Variants in SORCS1 observed in about 807,000 individuals in gnomAD.
SORCS1 encodes the protein VPS10 domain-containing receptor SorCS1.
SORCS1 carries 60 observed loss-of-function variants against 146.1 expected under a neutral mutation model. That is an observed-to-expected ratio of 0.41 (90% CI 0.33 to 0.51). The LOEUF (loss-of-function observed/expected upper bound fraction) is 0.51, where lower values mean the gene tolerates loss of function less well. Ranked by LOEUF, SORCS1 falls within the 20% of genes least tolerant of loss-of-function variation. The pLI, the probability that SORCS1 is intolerant of heterozygous loss-of-function variation, is 0.21. For missense variants in SORCS1, 1,352 were observed against 1,487.6 expected, an observed-to-expected ratio of 0.91 and a Z score of 1.50; for synonymous variants, 637 against 584.0, an observed-to-expected ratio of 1.09 and a Z score of -1.31.
In SORCS1 at chr10:106,755,236, T is replaced by G. The variant is rs185073407; in HGVS notation, c.959+6352A>C. Among the ~76,000 whole-genome samples the G allele has an allele frequency of 2.7e-4, 41 of 152,340 alleles. No homozygotes were observed. In the East Asian group the frequency reaches 7.9e-3, roughly 29 times the overall value. ...TGAAGTGCTAAACTAAAATACAATTTCAAAATTTAAAGTTTTTTCTCCTGT... is the reference window on the plus strand; with the variant it reads ...TGAAGTGCTAAACTAAAATACAATTGCAAAATTTAAAGTTTTTTCTCCTGT... On this transcript the variant is annotated intron_variant, in intron 5 of 25. Transcript: ENST00000263054.
intron 2 of SORCS1, among the ~76,000 whole-genome samples, chr10:106,923,987 G>A (rs1377315603): frequency 6.6e-6 from 1 of 152,184 alleles, no homozygotes; most frequent in Non-Finnish European, 1.5e-5. Flanking sequence ...GCTGGGCGCA[G>A]TGGCTCATGC....
chr10:106,758,523 C>G (rs1858832704), intron 5 of SORCS1, among the ~76,000 whole-genome samples: 1 of 152,168 alleles, frequency 6.6e-6, no homozygotes, highest in African/African-American at 2.4e-5. Flanking sequence ...AAAGCAGCAA[C>G]TCCATTTCCA....
At chr10:106,917,795 A>C (rs1952516851) in intron 2 of SORCS1, among the ~76,000 whole-genome samples, 1 of 152,224 alleles carries the variant, frequency 6.6e-6, no homozygotes, top group African/African-American at 2.4e-5. Flanking sequence ...AGAGTCCCTC[A>C]GACTCTGAGA....
At chr10:107,051,791 GTTGT>G (rs2134054179) in intron 1 of SORCS1, among the ~76,000 whole-genome samples, 1 of 152,280 alleles carries the variant, frequency 6.6e-6, no homozygotes, top group East Asian at 1.9e-4. Context: ...GATGCAGTGA[GTTGT>G]TTAAGACACG....
At chr10:106,829,978 G>A (rs1321722236) in intron 2 of SORCS1, among the ~76,000 whole-genome samples, 8 of 152,160 alleles carry the variant, frequency 5.3e-5, no homozygotes, top group Admixed American at 5.2e-4. Flanking sequence ...TTTGACCAAA[G>A]AATTAAAGAG....
chr10:107,054,811 A>G (rs1046482234), intron 1 of SORCS1, among the ~76,000 whole-genome samples: 1 of 152,212 alleles, frequency 6.6e-6, no homozygotes, highest in African/African-American at 2.4e-5. Flanking sequence ...TGACGTGAAC[A>G]AATTATTTAC....
At chr10:106,804,857 C>T (rs983534332) in intron 3 of SORCS1, among the ~76,000 whole-genome samples, 6 of 152,106 alleles carry the variant, frequency 3.9e-5, no homozygotes, top group Non-Finnish European at 8.8e-5. Flanking sequence ...AGATAGATAA[C>T]CCATTACATA....
intron 5 of SORCS1, among the ~76,000 whole-genome samples, chr10:106,739,714 G>A (rs1221102860): frequency 6.6e-6 from 1 of 151,904 alleles, no homozygotes; most frequent in African/African-American, 2.4e-5. Context: ...CACTTTGGGA[G>A]GCCGAGTCGG....
intron 2 of SORCS1, among the ~76,000 whole-genome samples, chr10:106,841,615 G>A (rs1380492229): frequency 6.6e-6 from 1 of 152,042 alleles, no homozygotes; most frequent in Non-Finnish European, 1.5e-5. Flanking sequence ...TGTGATATTT[G>A]GTTTATTGCA....
chr10:107,072,248 G>T (rs1590069909), intron 1 of SORCS1, among the ~76,000 whole-genome samples: 1 of 152,320 alleles, frequency 6.6e-6, no homozygotes, highest in African/African-American at 2.4e-5. Context: ...TGCAGGCAAA[G>T]CAGGAAGGCT....
intron 6 of SORCS1, among the ~76,000 whole-genome samples, chr10:106,727,315 C>T (rs1159964626): frequency 3.9e-5 from 6 of 152,124 alleles, no homozygotes; most frequent in Non-Finnish European, 7.3e-5. Flanking sequence ...GATCTCTCTA[C>T]ATGTAGATGC....
At chr10:106,870,367 C>A (rs943457723) in intron 2 of SORCS1, among the ~76,000 whole-genome samples, 5 of 152,242 alleles carry the variant, frequency 3.3e-5, no homozygotes, top group African/African-American at 1.2e-4. Flanking sequence ...AAAAAAGGGG[C>A]TCAAATAGCC....
intron 1 of SORCS1, among the ~76,000 whole-genome samples, chr10:107,043,522 G>A (rs1256374955): frequency 6.6e-6 from 1 of 152,134 alleles, no homozygotes; most frequent in East Asian, 1.9e-4. Flanking sequence ...CAGTTTTTCT[G>A]ATTTTCTTTA....
At chr10:106,629,104 T>C in intron 19 of SORCS1, 98 bp downstream of exon 19, 3 of 1,061,000 alleles carry the variant, frequency 2.8e-6, no homozygotes, top group South Asian at 1.7e-5. Context: ...TGCTAAAAGA[T>C]AACTAGTGTA....
intron 24 of SORCS1, among the ~76,000 whole-genome samples, chr10:106,585,909 A>G (rs1186407580): frequency 1.3e-5 from 2 of 152,240 alleles, no homozygotes; most frequent in African/African-American, 4.8e-5. Flanking sequence ...GCTGACCCGT[A>G]ACATGTGAGA....
In SORCS1 at chr10:106,574,647, G is replaced by C. The variant is rs1012856141; in HGVS notation, c.*2773C>G. On this transcript the variant is annotated 3_prime_UTR_variant, in exon 26 of 26. Transcript: ENST00000263054. ...CTAGAGTTTCTAATTCAGTAGGTAT[G>C]GGGTATGGATCCAGAATCTGGATCT... is the stretch of plus-strand genomic sequence containing the variant. 3.3e-5 allele frequency: 5 copies of C among 152,216 alleles called. No homozygotes were observed. The highest frequency in any genetic ancestry group is 7.3e-5 in the Non-Finnish European group (5 of 68,028). The allele number at this position is 152,216 out of a possible 1,614,324, so 9.4% of individuals were successfully genotyped here. A position where few individuals can be genotyped will look rare whatever the true frequency, so the allele number is the denominator to read the frequency against.
At chr10:106,872,797 A>G (rs1374283113) in intron 2 of SORCS1, among the ~76,000 whole-genome samples, 1 of 152,222 alleles carries the variant, frequency 6.6e-6, no homozygotes, top group Non-Finnish European at 1.5e-5. Flanking sequence ...GAATCTATTT[A>G]TCTTAAATCT....
At chr10:107,008,085 CTG>C (rs1192094273) in intron 1 of SORCS1, among the ~76,000 whole-genome samples, 1 of 145,900 alleles carries the variant, frequency 6.9e-6, no homozygotes, top group East Asian at 1.9e-4. Context: ...TTAAAAAAGA[CTG>C]TGATAGCATC....
At position 106,831,674 on chromosome 10, in the gene SORCS1, T is replaced by C. The variant is rs573985984; in HGVS notation, c.627-2001A>G. On this transcript the variant is annotated intron_variant, in intron 2 of 25. Transcript: ENST00000263054. ...GAGCAAGAAAGCTGCATAAAAGTGA[T>C]CCTGGAGCTAGGAATTAAGGATTTA... Among the ~76,000 whole-genome samples the C allele has an allele frequency of 9.7e-5, 14 of 144,568 alleles. No homozygotes were observed. The South Asian group carries it at 1.0e-3, about 11-fold the overall frequency. 94.8% of individuals were successfully genotyped at this position (144,568 alleles called of 152,430 possible).
Sources: gnomAD v4.1 joint callset for allele counts (sites outside exome capture counted in the v4.1 genomes callset) on GRCh38, gnomAD v4.1.1 for gene constraint, MANE v1.5 for transcripts, NCBI Gene and HGNC (gene_info 2026-07-23, HGNC 2026-07-21) for gene names.